The following TRIML2 variants were observed in gnomAD, a reference collection of about 807,000 sequenced individuals.
TRIML2 encodes the protein tripartite motif family like 2.
Under a neutral mutation model 31.2 loss-of-function variants are expected in TRIML2, and 28 were observed. The ratio of observed to expected loss-of-function variants is 0.90; its 90% CI spans 0.66 to 1.23. The LOEUF (loss-of-function observed/expected upper bound fraction) is 1.23. Among genes scored for constraint, TRIML2 ranks in the 50% most tolerant of loss-of-function variants. The pLI is 0.00. For missense variants in TRIML2, 536 were observed against 528.3 expected (o/e 1.01, Z -0.14); for synonymous variants, 187 against 197.5 (o/e 0.95, Z 0.45).
At position 188,106,816 on chromosome 4, in the gene TRIML2, T is replaced by G. The variant is rs1199079078; in HGVS notation, c.-222-1226A>C. ...GTGACAGGTCAGACTCTTGCTAAGGTGGCCAAGCGAGAAGACAGGCCGGGC... is the reference window on the plus strand; with the variant it reads ...GTGACAGGTCAGACTCTTGCTAAGGGGGCCAAGCGAGAAGACAGGCCGGGC... On this transcript the variant is annotated intron_variant, in intron 1 of 7. Transcript: ENST00000682553. The G allele has an allele frequency of 6.1e-5, 15 of 244,474 alleles. No individual in the cohort carries two copies. The Admixed American group carries it at 6.2e-4, about 10-fold the overall frequency. The allele number at this position is 244,474 out of a possible 1,614,324, so 15.1% of individuals were successfully genotyped here. A position where few individuals can be genotyped will look rare whatever the true frequency, so the allele number is the denominator to read the frequency against.
At chr4:188,100,566 C>T (rs1222334543) in intron 4 of TRIML2, among the ~76,000 whole-genome samples, 2 of 152,016 alleles carry the variant, frequency 1.3e-5, no homozygotes, top group African/African-American at 4.8e-5. Flanking sequence ...ACTAAATATA[C>T]AAAAAATTAG....
At chr4:188,102,973 C>T (rs1419169461) in intron 3 of TRIML2, among the ~76,000 whole-genome samples, 1 of 150,730 alleles carries the variant, frequency 6.6e-6, no homozygotes, top group Non-Finnish European at 1.5e-5. Context: ...AGTCCCTTTG[C>T]ACGTCTCTCC....
intron 4 of TRIML2, among the ~76,000 whole-genome samples, chr4:188,100,852 T>C (rs936328774): frequency 6.6e-6 from 1 of 152,170 alleles, no homozygotes; most frequent in African/African-American, 2.4e-5. Context: ...TGTACAAATA[T>C]ATTTATAGGT....
At position 188,099,079 on chromosome 4, in the gene TRIML2, C is replaced by T; in HGVS notation, c.577G>A (p.Glu193Lys). 6.2e-7 allele frequency: 1 copy of T among 1,614,114 alleles called. No individual in the cohort carries two copies. The highest frequency in any genetic ancestry group is 8.5e-7 in the Non-Finnish European group (1 of 1,180,022). The change falls in exon 5 of 8, where the codon GAG (glutamate) becomes AAG (lysine). Residue 193 changes from glutamate to lysine, a missense_variant. Glu to Lys is a moderately conservative substitution (Grantham distance 56, BLOSUM62 1). Transcript: ENST00000682553. ...CCTTCCCCACACTTTTTCTCAAGCTCCACGATGAGCTTTAGGAGGCTGCGG... is the reference window on the plus strand; with the variant it reads ...CCTTCCCCACACTTTTTCTCAAGCTTCACGATGAGCTTTAGGAGGCTGCGG... ...QVRSLLKLIV[E>K]LEKKCGEGTL...
rs1733233027 is a variant in TRIML2 at position 188,091,282 on chromosome 4, C to T, written c.*91G>A. ...AAATCAGGCTCCTACTCCTGGAACGCTTTTTATTGGGTTAGTTTACACAAA... is the reference window on the plus strand; with the variant it reads ...AAATCAGGCTCCTACTCCTGGAACGTTTTTTATTGGGTTAGTTTACACAAA... On this transcript the variant is annotated 3_prime_UTR_variant, in exon 8 of 8. Transcript: ENST00000682553. 1.5e-6 allele frequency: 2 copies of T among 1,295,448 alleles called. No individual in the cohort carries two copies. Among genetic ancestry groups the T allele is most frequent in the East Asian group, 2.3e-5 (1 of 42,982 alleles). The allele number at this position is 1,295,448 out of a possible 1,614,324, so 80.2% of individuals were successfully genotyped here. A position where few individuals can be genotyped will look rare whatever the true frequency, so the allele number is the denominator to read the frequency against.
chr4:188,108,625 T>C (rs763033258), intron 1 of TRIML2, among the ~76,000 whole-genome samples: 6 of 152,126 alleles, frequency 3.9e-5, no homozygotes, highest in Non-Finnish European at 8.8e-5. Context: ...GATCTCTCTA[T>C]AGCTTTCCCC....
At chr4:188,094,426 A>G (rs895809767) in intron 7 of TRIML2, among the ~76,000 whole-genome samples, 4 of 152,254 alleles carry the variant, frequency 2.6e-5, no homozygotes, top group Non-Finnish European at 5.9e-5. Flanking sequence ...TTGCATAGTT[A>G]TAGGGTACAA....
rs114695684 is a variant in TRIML2 at position 188,099,106 on chromosome 4, C to T, written c.550G>A (p.Val184Ile). The T allele has an allele frequency of 4.4e-3, 7,115 of 1,614,100 alleles. 241 individuals are homozygous for T. The African/African-American group carries it at 0.08, about 18-fold the overall frequency. Residue 184 changes from valine to isoleucine, a missense_variant, in exon 5 of 8, where the codon GTC becomes ATC. Val to Ile is a conservative substitution (Grantham distance 29, BLOSUM62 3). Coordinates refer to ENST00000682553, the MANE Select transcript of TRIML2 (RefSeq NM_173553.4). ...KESEARASEQ[V>I]RSLLKLIVEL... The stretch of plus-strand genomic sequence containing the variant: ...ACGATGAGCTTTAGGAGGCTGCGGA[C>T]CTGTTCAGAAGCCCTGGCTTCACTC...
At position 188,101,127 on chromosome 4, in the gene TRIML2, T is replaced by C. The variant is rs1326976456; in HGVS notation, c.409A>G (p.Arg137Gly). The change falls in exon 4 of 8, where the codon AGA becomes GGA. Residue 137 changes from arginine to glycine, a missense_variant. Transcript: ENST00000682553. ...ATCGCTTGATTCAGAAGGGTTTCTC[T>C]CAGGTTCAAGTCAGATATGCATTCC... ...QQECISDLNL[R>G]ETLLNQAIKL... The C allele has an allele frequency of 6.2e-7, 1 of 1,613,968 alleles. No individual in the cohort carries two copies. The highest frequency in any genetic ancestry group is 1.1e-5 in the South Asian group (1 of 91,068).
intron 7 of TRIML2, among the ~76,000 whole-genome samples, chr4:188,094,867 G>C (rs557892233): frequency 6.6e-6 from 1 of 152,308 alleles, no homozygotes; most frequent in African/African-American, 2.4e-5. Context: ...CACAGTACCT[G>C]CTTTCAAGAC....
chr4:188,101,859 G>A (rs61080195), intron 3 of TRIML2, among the ~76,000 whole-genome samples: 2,220 of 151,450 alleles, frequency 0.015, 59 homozygotes, highest in African/African-American at 0.051. Context: ...GGCTGGGCGC[G>A]GTGGTTCACG....
intron 1 of TRIML2, chr4:188,106,565 T>G (rs916134527): frequency 6.5e-6 from 1 of 154,392 alleles, no homozygotes; most frequent in African/African-American, 2.4e-5. Context: ...AACATGCAGT[T>G]CTTGGTCCGC....
At chr4:188,094,600 T>C (rs1410611973) in intron 7 of TRIML2, among the ~76,000 whole-genome samples, 1 of 152,190 alleles carries the variant, frequency 6.6e-6, no homozygotes, top group Non-Finnish European at 1.5e-5. Flanking sequence ...CATTTTATGC[T>C]GAAAGTGACA....
intron 5 of TRIML2, 178 bp downstream of exon 5, chr4:188,098,857 C>G (rs889833303): frequency 1.5e-6 from 1 of 666,654 alleles, no homozygotes; most frequent in Non-Finnish European, 2.5e-6. Context: ...CCACACTATC[C>G]CACAAAGCTA....
chr4:188,104,980 G>T (rs762047906), intron 2 of TRIML2, 48 bp from the exon 3 acceptor site: 1 of 1,547,394 alleles, frequency 6.5e-7, no homozygotes, highest in South Asian at 1.1e-5. Flanking sequence ...ATTTAGAACA[G>T]TTGGATTCCT....
At chr4:188,099,859 G>A (rs1285648795) in intron 4 of TRIML2, among the ~76,000 whole-genome samples, 5 of 151,998 alleles carry the variant, frequency 3.3e-5, no homozygotes, top group Non-Finnish European at 7.4e-5. Context: ...TAAAATTAAG[G>A]TATATAGATT....
rs575079529 is a variant in TRIML2, at chr4:188,106,252, C to A, written c.-222-662G>T. ...TTTTGTAGTAGAGACGGGGTTTCAC[C>A]GTGTTAGCCAGGATGGTCTCGATCT... On this transcript the variant is annotated intron_variant, in intron 1 of 7. Transcript: ENST00000682553. 2.8e-4 allele frequency among the ~76,000 whole-genome samples: 43 copies of A among 152,184 alleles called. No homozygotes were observed. The South Asian group carries it at 8.9e-3, about 32-fold the overall frequency.
chr4:188,092,438 G>T (rs2111152174), intron 7 of TRIML2, among the ~76,000 whole-genome samples: 1 of 151,358 alleles, frequency 6.6e-6, no homozygotes, highest in Middle Eastern at 3.4e-3. Flanking sequence ...TCCAGCCTGG[G>T]CGACAGAGCA....
chr4:188,097,407 G>A lies in TRIML2; in HGVS notation c.622-61C>T, dbSNP rs183104130. 28 of 1,523,022 alleles carry A rather than the reference G, an allele frequency of 1.8e-5. No homozygotes were observed. In the Admixed American group the frequency reaches 4.2e-4, roughly 23 times the overall value. 94.3% of individuals were successfully genotyped at this position (1,523,022 alleles called of 1,614,324 possible). A position where few individuals can be genotyped will look rare whatever the true frequency, so the allele number is the denominator to read the frequency against. ...TTTTTGAGCTGTTTTTGCAATCTGT[G>A]CCCAGGAAAATATCCTCTTACAATG... On this transcript the variant is annotated intron_variant, in intron 5 of 7. Transcript: ENST00000682553.
Sources: gnomAD v4.1 joint callset for allele counts (sites outside exome capture counted in the v4.1 genomes callset) on GRCh38, gnomAD v4.1.1 for gene constraint, MANE v1.5 for transcripts, NCBI Gene and HGNC (gene_info 2026-07-23, HGNC 2026-07-21) for gene names.